PFKL: variants seen among roughly 807,000 people sequenced by gnomAD.
The protein encoded by PFKL is ATP-dependent 6-phosphofructokinase, liver type.
In PFKL, 74 loss-of-function variants were observed where a neutral mutation model predicts 92.1. That is an observed-to-expected ratio of 0.80 (90% CI 0.67 to 0.97). The LOEUF (loss-of-function observed/expected upper bound fraction) is 0.97, where lower values mean the gene tolerates loss of function less well. Ranked by LOEUF, PFKL falls within the 50% of genes least tolerant of loss-of-function variation. The pLI is 0.00. For missense variants in PFKL, 1,028 were observed against 1,116.6 expected, an observed-to-expected ratio of 0.92 and a Z score of 1.13; for synonymous variants, 494 against 456.4, an observed-to-expected ratio of 1.08 and a Z score of -1.05.
Position 44,323,788 on chromosome 21 carries a change from T to C in PFKL, c.1520T>C (p.Leu507Pro). Residue 507 changes from leucine (L) to proline (P), a missense_variant, in exon 16 of 22, where the codon CTG becomes CCG. Coordinates refer to ENST00000349048, the MANE Select transcript of PFKL (RefSeq NM_002626.6). ...CAGGCCTATGAAGGGGTGCTGCAGC[T>C]GGTGGAGGCTCGCGGGCGCTACGAG... ...GFEAYEGVLQLVEARGRYEEL... is the reference protein window; with the variant it reads ...GFEAYEGVLQPVEARGRYEEL... The C allele has an allele frequency of 1.9e-6, 3 of 1,612,854 alleles. No homozygotes were observed. Among genetic ancestry groups the C allele is most frequent in the South Asian group, 1.1e-5 (1 of 91,012 alleles).
chr21:44,322,106 C>T (rs570346588), intron 13 of PFKL, 27 bp from the exon 14 acceptor site: 3 of 1,594,270 alleles, frequency 1.9e-6, no homozygotes, highest in East Asian at 2.2e-5. Context: ...TCAGGCTGGC[C>T]CCTGAAGCTG....
At position 44,325,659 on chromosome 21, in the gene PFKL, C is replaced by T. The variant is rs963475112; in HGVS notation, c.1990-302C>T. 14 of 506,836 alleles carry T rather than the reference C, an allele frequency of 2.8e-5. 1 individual carries two copies. In the East Asian group the frequency reaches 4.7e-4, roughly 17 times the overall value. 31.4% of individuals were successfully genotyped at this position (506,836 alleles called of 1,614,324 possible). A position where few individuals can be genotyped will look rare whatever the true frequency, so the allele number is the denominator to read the frequency against. On this transcript the variant is annotated intron_variant, in intron 19 of 21. Coordinates refer to ENST00000349048, the MANE Select transcript of PFKL (RefSeq NM_002626.6). Reference sequence around the variant, plus strand: ...GGAGTCAGGGTGGCTGGGCATGGGGCCCGAGGTGATGGGGCCCGAGGTGGG... The same window carrying T: ...GGAGTCAGGGTGGCTGGGCATGGGGTCCGAGGTGATGGGGCCCGAGGTGGG...
intron 10 of PFKL, 80 bp from the exon 11 acceptor site, chr21:44,319,271 C>T: frequency 7.9e-7 from 1 of 1,261,960 alleles, no homozygotes; most frequent in Non-Finnish European, 1.2e-6. Flanking sequence ...CTGCCCTCGT[C>T]AGGCCCACCA....
intron 8 of PFKL, 44 bp from the exon 9 acceptor site, chr21:44,316,388 G>A (rs374364230): frequency 2.2e-5 from 36 of 1,610,576 alleles, no homozygotes; most frequent in African/African-American, 1.7e-4. Flanking sequence ...CCTCTAGGCC[G>A]TGTGGGCTGG....
At chr21:44,303,280 A>G (rs1343816914) in intron 1 of PFKL, among the ~76,000 whole-genome samples, 1 of 150,548 alleles carries the variant, frequency 6.6e-6, no homozygotes, top group Admixed American at 6.6e-5. Flanking sequence ...GCGTGGTGGT[A>G]CATGCCTGTA....
Position 44,319,236 on chromosome 21 carries a change from C to A in PFKL, c.1063-115C>A, listed in dbSNP as rs190992015. On this transcript the variant is annotated intron_variant, in intron 10 of 21. Coordinates refer to ENST00000349048, the MANE Select transcript of PFKL (RefSeq NM_002626.6). The stretch of plus-strand genomic sequence containing the variant: ...TAGGGAGAGGCTGCCAGGCCTGGGC[C>A]AGGGTCAGGAGATGCCGGCCAGATC... The A allele has an allele frequency of 5.6e-5, 48 of 856,672 alleles. No individual in the cohort carries two copies. The East Asian group carries it at 1.1e-3, about 20-fold the overall frequency. The allele number at this position is 856,672 out of a possible 1,614,324, so 53.1% of individuals were successfully genotyped here. A position where few individuals can be genotyped will look rare whatever the true frequency, so the allele number is the denominator to read the frequency against.
rs199922371 is a variant in PFKL, at chr21:44,313,967, C to A, written c.693C>A (p.Pro231=). 1.2e-6 allele frequency: 2 copies of A among 1,608,450 alleles called. No homozygotes were observed. Among genetic ancestry groups the A allele is most frequent in the Non-Finnish European group, 1.7e-6 (2 of 1,178,606 alleles). ...LASGADWLFI[P]EAPPEDGWEN... The stretch of plus-strand genomic sequence containing the variant: ...CAGGGGCCGACTGGCTGTTCATCCC[C>A]GAGGCTCCACCCGAGGACGGCTGGG... Residue 231 remains proline, a synonymous_variant, in exon 7 of 22, where the codon CCC becomes CCA. Coordinates refer to ENST00000349048, the MANE Select transcript of PFKL (RefSeq NM_002626.6).
chr21:44,312,296 T>C lies in PFKL; in HGVS notation c.427+2T>C. The C allele has an allele frequency of 6.3e-7, 1 of 1,586,386 alleles. No homozygotes were observed. Among genetic ancestry groups the C allele is most frequent in the Non-Finnish European group, 8.6e-7 (1 of 1,168,780 alleles). Reference sequence around the variant, plus strand: ...TGCTGGAGGAGCTGGTGGCGGAAGGTGGGTCTGTGCCCGGCGCACTGTAGG... The same window carrying C: ...TGCTGGAGGAGCTGGTGGCGGAAGGCGGGTCTGTGCCCGGCGCACTGTAGG... On this transcript the variant is annotated splice_donor_variant, in intron 4 of 21. Transcript: ENST00000349048. LOFTEE classifies it high-confidence loss of function.
rs747563844 is a variant in PFKL, at chr21:44,322,120, C to G, written c.1339-13C>G. 8 of 1,601,122 alleles carry G rather than the reference C, an allele frequency of 5.0e-6. No homozygotes were observed. The South Asian group carries it at 8.9e-5, about 18-fold the overall frequency. On this transcript the variant is annotated splice_polypyrimidine_tract_variant and intron_variant, in intron 13 of 21. Transcript: ENST00000349048. ...CTCAGGCTGGCCCCTGAAGCTGCAT[C>G]TCCTCCTGGCAGGTGCAAGAAGTAG...
intron 7 of PFKL, 156 bp from the exon 8 acceptor site, chr21:44,316,088 G>A (rs766949889): frequency 2.7e-5 from 18 of 672,024 alleles, no homozygotes; most frequent in East Asian, 1.9e-4. Context: ...CTGCCCTCGC[G>A]CTCCAGGCCT....
At chr21:44,322,521 T>G (rs948769211) in intron 14 of PFKL, among the ~76,000 whole-genome samples, 2 of 152,222 alleles carry the variant, frequency 1.3e-5, no homozygotes, top group Admixed American at 1.3e-4. Context: ...GCTATGGGCC[T>G]GTCTGATGGC....
chr21:44,326,278 A>C lies in PFKL; in HGVS notation c.2195+14A>C. 3.8e-6 allele frequency: 6 copies of C among 1,578,840 alleles called. No homozygotes were observed. The highest frequency in any genetic ancestry group is 4.3e-6 in the Non-Finnish European group (5 of 1,151,416). ...CACTGATTTCGAGTGAGTTCCACCA[A>C]AGCCTCGTGGAGGCGGGTGGGGCTG... On this transcript the variant is annotated intron_variant, in intron 21 of 21. Transcript: ENST00000349048.
At position 44,311,303 on chromosome 21, in the gene PFKL, CACAG is replaced by C. The variant is rs552550450; in HGVS notation, c.237+224_237+227del. The stretch of plus-strand genomic sequence containing the variant: ...GCACGGACACACAGGCGCGCACAGA[CACAG>C]ACACGTGCACAGACACACACAGACA... On this transcript the variant is annotated intron_variant, in intron 3 of 21. Transcript: ENST00000349048. Among the ~76,000 whole-genome samples, 164 of 151,288 alleles carry C rather than the reference CACAG, an allele frequency of 1.1e-3. 1 individual carries two copies. The highest frequency in any genetic ancestry group is 3.4e-3 in the Middle Eastern group (1 of 294).
At chr21:44,300,576 C>T (rs1385517993) in intron 1 of PFKL, among the ~76,000 whole-genome samples, 1 of 152,192 alleles carries the variant, frequency 6.6e-6, no homozygotes, top group African/African-American at 2.4e-5. Flanking sequence ...GACCCGGTGC[C>T]TCCCGAGGGC....
At chr21:44,310,961 G>A (rs538305660) in intron 2 of PFKL, 45 bp from the exon 3 acceptor site, 15 of 1,479,066 alleles carry the variant, frequency 1.0e-5, no homozygotes, top group African/African-American at 6.9e-5. Context: ...GCTGCCGGCC[G>A]CCATGGGGTC....
rs755721884 is a variant in PFKL, at chr21:44,306,847, G to T, written c.159+93G>T. 380 of 1,142,896 alleles carry T rather than the reference G, an allele frequency of 3.3e-4. 1 individual carries two copies. The highest frequency in any genetic ancestry group is 4.4e-4 in the Non-Finnish European group (342 of 771,726). 70.8% of individuals were successfully genotyped at this position (1,142,896 alleles called of 1,614,324 possible). A position where few individuals can be genotyped will look rare whatever the true frequency, so the allele number is the denominator to read the frequency against. On this transcript the variant is annotated intron_variant, in intron 2 of 21. Coordinates refer to ENST00000349048, the MANE Select transcript of PFKL (RefSeq NM_002626.6). ...TCTGTGTGGGTCACACTGGGAGACG[G>T]GGTGGTCCTGGCCTGGAGGAGCTGA...
At chr21:44,316,157 C>T in intron 7 of PFKL, 87 bp from the exon 8 acceptor site, 1 of 1,248,760 alleles carries the variant, frequency 8.0e-7, no homozygotes. Flanking sequence ...GAATGGTGGC[C>T]CCAGGGAGGG....
chr21:44,320,951 TG>T (rs1195114509), intron 12 of PFKL: 1 of 152,258 alleles, frequency 6.6e-6, no homozygotes, highest in Non-Finnish European at 1.5e-5. Flanking sequence ...TGGACATCTT[TG>T]GGTGTCCCTG....
chr21:44,311,801 CAT>C (rs1044721873), intron 3 of PFKL, among the ~76,000 whole-genome samples: 4 of 152,304 alleles, frequency 2.6e-5, no homozygotes, highest in African/African-American at 7.2e-5. Context: ...TGTGCACGCA[CAT>C]GTGTGTGGCA....
Sources: allele counts gnomAD v4.1 joint callset (sites outside exome capture counted in the v4.1 genomes callset), GRCh38; gene constraint gnomAD v4.1.1; transcripts MANE v1.5; gene names NCBI Gene and HGNC (gene_info 2026-07-23, HGNC 2026-07-21).